Variants in EVC2 observed in about 807,000 individuals in gnomAD.
EVC2 encodes the protein EvC ciliary complex subunit 2.
Under a neutral mutation model 149.3 loss-of-function variants are expected in EVC2, and 148 were observed. The ratio of observed to expected loss-of-function variants is 0.99; its 90% CI spans 0.87 to 1.14. The LOEUF is 1.14. EVC2 is among the 50% of genes most tolerant of loss of function. The pLI is 0.00. For synonymous variants in EVC2, 776 were observed against 649.9 expected, an observed-to-expected ratio of 1.19 and a Z score of -2.95; for missense variants, 1,854 against 1,627.3, an observed-to-expected ratio of 1.14 and a Z score of -2.40.
chr4:5,609,084 T>C (rs1714622599), intron 16 of EVC2, among the ~76,000 whole-genome samples: 2 of 152,126 alleles, frequency 1.3e-5, no homozygotes, highest in South Asian at 2.1e-4. Flanking sequence ...GACTGAATTA[T>C]ACCACCAGGT....
intron 1 of EVC2, among the ~76,000 whole-genome samples, chr4:5,703,163 C>A (rs1721935349): frequency 6.6e-6 from 1 of 152,206 alleles, no homozygotes; most frequent in South Asian, 2.1e-4. Flanking sequence ...TAAGTTCCTA[C>A]AGCATGCAGT....
downstream of EVC2, chr4:5,562,365 G>T: frequency 1.2e-6 from 1 of 854,490 alleles, no homozygotes; most frequent in Non-Finnish European, 1.4e-6. This position sits in a 1 kb window ranked among gnomAD's most constrained non-coding sequence, Gnocchi z 4.3. Context: ...CACCACACAG[G>T]GAACAAAACG....
At position 5,696,926 on chromosome 4, in the gene EVC2, G is replaced by A. The variant is rs956684967; in HGVS notation, c.283+667C>T. On this transcript the variant is annotated intron_variant, in intron 2 of 21. Transcript: ENST00000344408. The surrounding 1 kb of genome is among the most constrained non-coding windows in gnomAD (Gnocchi z 4.1). ...GTGATTCCATTAAGGGCTTCGAGATGGGGAGATTGCCTGGATTATCCTGGT... is the reference window on the plus strand; with the variant it reads ...GTGATTCCATTAAGGGCTTCGAGATAGGGAGATTGCCTGGATTATCCTGGT... Among the ~76,000 whole-genome samples the A allele has an allele frequency of 4.6e-5, 7 of 152,316 alleles. No individual in the cohort carries two copies. The highest frequency in any genetic ancestry group is 2.1e-4 in the South Asian group (1 of 4,832).
rs1229441037 is a variant in EVC2 at position 5,618,046 on chromosome 4, CCT to C, written c.2706+430_2706+431del. 6.6e-6 allele frequency among the ~76,000 whole-genome samples: 1 copy of C among 152,140 alleles called. No individual in the cohort carries two copies. Among genetic ancestry groups the C allele is most frequent in the Non-Finnish European group, 1.5e-5 (1 of 68,022 alleles). On this transcript the variant is annotated intron_variant, in intron 15 of 21. Coordinates refer to ENST00000344408, the MANE Select transcript of EVC2 (RefSeq NM_147127.5). The surrounding 1 kb of genome is among the most constrained non-coding windows in gnomAD (Gnocchi z 4.4). ...TCCTTTAAGACCCTGTGCAAGAGCC[CCT>C]CTTTCCCTGACCCACCTGAGTTGAG...
intron 16 of EVC2, among the ~76,000 whole-genome samples, chr4:5,594,450 C>T (rs967785599): frequency 7.2e-5 from 11 of 152,180 alleles, no homozygotes; most frequent in African/African-American, 2.7e-4. Context: ...GCTGCTGGTA[C>T]CCAGGTAAAC....
chr4:5,598,963 T>C (rs1449385682), intron 16 of EVC2, among the ~76,000 whole-genome samples: 1 of 151,878 alleles, frequency 6.6e-6, no homozygotes, highest in Non-Finnish European at 1.5e-5. Context: ...AAAAGACACA[T>C]GAAAAAATGC....
chr4:5,634,657 C>G (rs1470209586), intron 10 of EVC2, among the ~76,000 whole-genome samples: 1 of 152,114 alleles, frequency 6.6e-6, no homozygotes, highest in Non-Finnish European at 1.5e-5. Flanking sequence ...GACAGGACTC[C>G]CATGCCCACT....
At chr4:5,705,753 G>A (rs183681417) in intron 1 of EVC2, among the ~76,000 whole-genome samples, 4 of 152,114 alleles carry the variant, frequency 2.6e-5, no homozygotes, top group Admixed American at 1.3e-4. Context: ...GTGAGAAAAT[G>A]AGTAGAAAAA....
intron 9 of EVC2, among the ~76,000 whole-genome samples, chr4:5,658,710 T>C (rs1718689748): frequency 6.6e-6 from 1 of 152,252 alleles, no homozygotes; most frequent in Non-Finnish European, 1.5e-5. Flanking sequence ...CACTCAGGCC[T>C]AAGCCAAATC....
chr4:5,598,588 A>G (rs1200995941), intron 16 of EVC2, among the ~76,000 whole-genome samples: 2 of 152,226 alleles, frequency 1.3e-5, no homozygotes, highest in African/African-American at 4.8e-5. Flanking sequence ...TTAAAGACTT[A>G]AACGTTAGAC....
At chr4:5,562,296 C>G (rs982070233), downstream of EVC2, 5 of 253,868 alleles carry the variant, frequency 2.0e-5, no homozygotes, top group African/African-American at 9.2e-5. The surrounding 1 kb of genome is among the most constrained non-coding windows in gnomAD (Gnocchi z 4.3). Flanking sequence ...ACGGTAGACC[C>G]CAGGGGCTGA....
rs771623926 is a variant in EVC2 at position 5,618,499 on chromosome 4, G to A, written c.2685C>T (p.Ala895=). The change falls in exon 15 of 22, where the codon GCC becomes GCT. Residue 895 remains alanine (A), a synonymous_variant. Transcript: ENST00000344408. This position sits in a 1 kb window ranked among gnomAD's most constrained non-coding sequence, Gnocchi z 4.4. ...REAEFVKLDQ[A]VAAPELQQQS... ...CTACCTGCAGCTCAGGGGCAGCCACGGCCTGGTCCAGCTTCACGAACTCTG... is the reference window on the plus strand; with the variant it reads ...CTACCTGCAGCTCAGGGGCAGCCACAGCCTGGTCCAGCTTCACGAACTCTG... 24 of 1,613,302 alleles carry A rather than the reference G, an allele frequency of 1.5e-5. No individual in the cohort carries two copies. Among genetic ancestry groups the A allele is most frequent in the East Asian group, 2.2e-5 (1 of 44,874 alleles).
intron 21 of EVC2, among the ~76,000 whole-genome samples, chr4:5,548,778 T>G (rs1255452759): frequency 1.3e-5 from 2 of 152,146 alleles, no homozygotes; most frequent in South Asian, 4.1e-4. Context: ...ACAAAGGCAA[T>G]AGAGATTCAT....
At chr4:5,538,159 C>A (rs1172815155), downstream of EVC2, among the ~76,000 whole-genome samples, 2 of 150,950 alleles carry the variant, frequency 1.3e-5, no homozygotes, top group East Asian at 3.9e-4. Context: ...ACTGGTATCA[C>A]TATAGATTCC....
At chr4:5,588,978 G>A (rs1246343582) in intron 16 of EVC2, among the ~76,000 whole-genome samples, 2 of 152,226 alleles carry the variant, frequency 1.3e-5, no homozygotes, top group Admixed American at 1.3e-4. Context: ...TCTAACATCT[G>A]TGTCAGTTCT....
At chr4:5,601,592 T>C (rs914153154) in intron 16 of EVC2, among the ~76,000 whole-genome samples, 2 of 149,860 alleles carry the variant, frequency 1.3e-5, no homozygotes, top group African/African-American at 2.5e-5. Flanking sequence ...AATTAGAGAA[T>C]AGGAGATGTA....
chr4:5,568,483 C>T lies in EVC2; in HGVS notation c.3518G>A (p.Ser1173Asn). The T allele has an allele frequency of 6.3e-7, 1 of 1,581,068 alleles. No individual in the cohort carries two copies. Residue 1173 changes from serine (S) to asparagine (N), a missense_variant, in exon 20 of 22, where the codon AGC becomes AAC. Ser to Asn is a conservative substitution (Grantham distance 46). Coordinates refer to ENST00000344408, the MANE Select transcript of EVC2 (RefSeq NM_147127.5). ...GTCGGCCTGCTCCGCTCCGCCATCG[C>T]TCTCAGCTGCGTGGTCCACATGTCT... Reference protein sequence around the residue: ...TERHVDHAAESDGGAEQADVG... With the variant: ...TERHVDHAAENDGGAEQADVG...
chr4:5,612,967 G>C (rs890589901), intron 16 of EVC2, among the ~76,000 whole-genome samples: 6 of 148,482 alleles, frequency 4.0e-5, no homozygotes, highest in Admixed American at 3.4e-4. Flanking sequence ...TTATGAGACA[G>C]AGCAGGAGGA....
intron 7 of EVC2, among the ~76,000 whole-genome samples, chr4:5,674,254 C>T (rs113153867): frequency 0.049 from 7,491 of 152,196 alleles, 209 homozygotes; most frequent in South Asian, 0.08. Context: ...ATCACACTTA[C>T]CAACGCAGCT....
Sources: allele counts gnomAD v4.1 joint callset (sites outside exome capture counted in the v4.1 genomes callset), GRCh38; gene constraint gnomAD v4.1.1; non-coding constraint Gnocchi (gnomAD v3.1); transcripts MANE v1.5; gene names NCBI Gene and HGNC (gene_info 2026-07-23, HGNC 2026-07-21).